EHMT1: variants seen among roughly 807,000 people sequenced by gnomAD.
The protein encoded by EHMT1 is euchromatic histone lysine methyltransferase 1, also known as histone-lysine N-methyltransferase EHMT1.
In EHMT1, 15 loss-of-function variants were observed where a neutral mutation model predicts 147.2. The observed-to-expected ratio is 0.10, with a 90% confidence interval of 0.07 to 0.16. EHMT1 has a LOEUF of 0.16. Ranked by LOEUF, EHMT1 falls within the 10% of genes least tolerant of loss-of-function variation. EHMT1 has a pLI of 1.00. For missense variants in EHMT1, 1,587 were observed against 1,772.4 expected (o/e 0.90, Z 1.88); for synonymous variants, 795 against 709.6 (o/e 1.12, Z -1.91).
chr9:137,635,361 C>T (rs1843931208), intron 1 of EHMT1, among the ~76,000 whole-genome samples: 1 of 151,428 alleles, frequency 6.6e-6, no homozygotes, highest in Non-Finnish European at 1.5e-5. Flanking sequence ...CACCCATCGC[C>T]ACGCCCAGCT....
At chr9:137,818,258 G>A in intron 25 of EHMT1, 120 bp downstream of exon 25, 1 of 1,123,214 alleles carries the variant, frequency 8.9e-7, no homozygotes, top group Non-Finnish European at 1.3e-6. Context: ...GAGTGGGCTT[G>A]CTATAGACCT....
chr9:137,805,160 C>T (rs1953838058), intron 18 of EHMT1, among the ~76,000 whole-genome samples: 1 of 151,650 alleles, frequency 6.6e-6, no homozygotes, highest in East Asian at 1.9e-4. Context: ...CCATCATCTG[C>T]ATGTGTCATT....
chr9:137,682,894 G>A (rs968900374), intron 1 of EHMT1, among the ~76,000 whole-genome samples: 1 of 152,210 alleles, frequency 6.6e-6, no homozygotes, highest in Non-Finnish European at 1.5e-5. Flanking sequence ...GAACAGGTGC[G>A]CTGCCTGCAG....
intron 6 of EHMT1, among the ~76,000 whole-genome samples, chr9:137,751,425 G>A (rs1948958205): frequency 6.6e-6 from 1 of 152,188 alleles, no homozygotes; most frequent in Non-Finnish European, 1.5e-5. Flanking sequence ...CAGAGCATTG[G>A]GATTACAAGC....
intron 1 of EHMT1, among the ~76,000 whole-genome samples, chr9:137,669,456 C>CTGA (rs1564562972): frequency 1.2e-3 from 4 of 3,248 alleles, no homozygotes; most frequent in African/African-American, 5.9e-3. Context: ...CGTGCACTCA[C>CTGA]CTCCACCCAA....
In EHMT1 at chr9:137,716,862, C is replaced by T. The variant is rs1329664706; in HGVS notation, c.322C>T (p.His108Tyr). Residue 108 changes from histidine to tyrosine, a missense_variant, in exon 3 of 27, where the codon CAC becomes TAC. His to Tyr is a moderately conservative substitution (Grantham distance 83, BLOSUM62 2). This residue lies in a region of EHMT1 where 810 missense variants were observed against 673.0 expected (regional missense o/e 1.20). Transcript: ENST00000460843. ...AGACTCAGAAGCGGCGAAGCAAAAC[C>T]ACGTCACTGCCGACGACTTTGTGCA... ...ERDSEAAKQN[H>Y]VTADDFVQTS... The T allele has an allele frequency of 2.5e-6, 4 of 1,613,252 alleles. No individual in the cohort carries two copies. Among genetic ancestry groups the T allele is most frequent in the Admixed American group, 1.7e-5 (1 of 60,008 alleles).
At chr9:137,822,504 CTG>C (rs371986751) in intron 25 of EHMT1, among the ~76,000 whole-genome samples, 44 of 152,320 alleles carry the variant, frequency 2.9e-4, no homozygotes, top group African/African-American at 9.6e-4. Flanking sequence ...GCTCCAAACA[CTG>C]TGACTTAGAT....
Position 137,835,138 on chromosome 9 carries a change from C to A in EHMT1, c.*185C>A. ...GGTGTGGATGCCTCCCAGCCACCTT[C>A]CCAGACCTGCGGCCTCACCGCGGGC... On this transcript the variant is annotated 3_prime_UTR_variant, in exon 27 of 27. Transcript: ENST00000460843. 1 of 627,588 alleles carries A rather than the reference C, an allele frequency of 1.6e-6. No individual in the cohort carries two copies. Among genetic ancestry groups the A allele is most frequent in the Non-Finnish European group, 2.4e-6 (1 of 417,850 alleles). 38.9% of individuals were successfully genotyped at this position (627,588 alleles called of 1,614,324 possible). A position where few individuals can be genotyped will look rare whatever the true frequency, so the allele number is the denominator to read the frequency against.
chr9:137,795,432 C>CAT (rs58140446), intron 16 of EHMT1, among the ~76,000 whole-genome samples: 28 of 131,568 alleles, frequency 2.1e-4, no homozygotes, highest in Admixed American at 3.4e-4. Context: ...CACACACTCT[C>CAT]ACACTCACAT....
intron 15 of EHMT1, chr9:137,788,881 T>G (rs956291028): frequency 9.2e-5 from 14 of 152,242 alleles, no homozygotes; most frequent in African/African-American, 3.4e-4. Context: ...GCGTGGGAGG[T>G]GGGTCCTGCT....
chr9:137,692,751 C>T (rs984055403), intron 1 of EHMT1, among the ~76,000 whole-genome samples: 2 of 152,136 alleles, frequency 1.3e-5, no homozygotes, highest in African/African-American at 2.4e-5. Flanking sequence ...GAACAATGCT[C>T]AGGCGCCTGC....
At chr9:137,642,796 A>G (rs1490654481) in intron 1 of EHMT1, among the ~76,000 whole-genome samples, 6 of 152,248 alleles carry the variant, frequency 3.9e-5, no homozygotes, top group Admixed American at 2.6e-4. Flanking sequence ...AACAAATTAT[A>G]AATTAACAAA....
At chr9:137,817,360 C>A in intron 23 of EHMT1, 79 bp from the exon 24 acceptor site, 1 of 1,516,590 alleles carries the variant, frequency 6.6e-7, no homozygotes, top group Non-Finnish European at 9.1e-7. Flanking sequence ...AGTGACGTGG[C>A]ACCAGCTGGC....
intron 1 of EHMT1, among the ~76,000 whole-genome samples, chr9:137,637,890 T>C (rs1021170343): frequency 1.3e-5 from 2 of 152,148 alleles, no homozygotes; most frequent in African/African-American, 4.8e-5. Flanking sequence ...TCCTGAGTTA[T>C]CTTTGTTGTT....
chr9:137,629,371 C>T (rs189490485), intron 1 of EHMT1, among the ~76,000 whole-genome samples: 17 of 150,952 alleles, frequency 1.1e-4, no homozygotes, highest in African/African-American at 4.1e-4. Flanking sequence ...GGATTACCGG[C>T]GTGAGCCACC....
At chr9:137,713,979 T>G (rs1384346419) in intron 2 of EHMT1, among the ~76,000 whole-genome samples, 2 of 152,150 alleles carry the variant, frequency 1.3e-5, no homozygotes, top group African/African-American at 2.4e-5. Flanking sequence ...AAAAAATTGA[T>G]TTTTGCATAT....
intron 10 of EHMT1, among the ~76,000 whole-genome samples, chr9:137,766,865 C>T (rs1017397875): frequency 6.6e-6 from 1 of 152,044 alleles, no homozygotes; most frequent in Non-Finnish European, 1.5e-5. Context: ...CTCACTTGGA[C>T]CCCCAGGCTG....
At chr9:137,736,780 A>G (rs1947571388) in intron 4 of EHMT1, among the ~76,000 whole-genome samples, 1 of 152,144 alleles carries the variant, frequency 6.6e-6, no homozygotes, top group African/African-American at 2.4e-5. Flanking sequence ...AATCCCAGAT[A>G]CTTGGGAGGC....
chr9:137,654,126 A>G lies in EHMT1; in HGVS notation c.21+35077A>G, dbSNP rs1231422734. On this transcript the variant is annotated intron_variant, in intron 1 of 26. Coordinates refer to ENST00000460843, the MANE Select transcript of EHMT1 (RefSeq NM_024757.5). ...GCTGGGCGCGGTGGCTCACGCCTGT[A>G]ATCCCAGCACTTTGGGAGGCTGAGG... is the stretch of plus-strand genomic sequence containing the variant. Among the ~76,000 whole-genome samples the G allele has an allele frequency of 2.0e-5, 3 of 152,170 alleles. No homozygotes were observed. The South Asian group carries it at 6.2e-4, about 31-fold the overall frequency.
Sources: gnomAD v4.1 joint callset for allele counts (sites outside exome capture counted in the v4.1 genomes callset) on GRCh38, gnomAD v4.1.1 for gene constraint, gnomAD v4.1.1 regional missense constraint, MANE v1.5 for transcripts, NCBI Gene and HGNC (gene_info 2026-07-23, HGNC 2026-07-21) for gene names.